The following NUP50 variants were observed in gnomAD, a reference collection of about 807,000 sequenced individuals.
The protein encoded by NUP50 is nuclear pore complex protein Nup50.
NUP50 carries 14 observed loss-of-function variants against 36.8 expected under a neutral mutation model. The ratio of observed to expected loss-of-function variants is 0.38; its 90% CI spans 0.25 to 0.59. NUP50 has a LOEUF of 0.59. Ranked by LOEUF, NUP50 falls within the 20% of genes least tolerant of loss-of-function variation. The pLI is 0.63. For missense variants in NUP50, 455 were observed against 564.6 expected (o/e 0.81, Z 1.97); for synonymous variants, 195 against 210.8 (o/e 0.93, Z 0.65).
At position 45,171,154 on chromosome 22, in the gene NUP50, C is replaced by T. The variant is rs132876; in HGVS notation, c.70-446C>T. On this transcript the variant is annotated intron_variant, in intron 2 of 7. Coordinates refer to ENST00000347635, the MANE Select transcript of NUP50 (RefSeq NM_007172.4). ...CCTTTCGTACAGTGGGCAAGTTGGG[C>T]AGGACTCATCTTAAAAATCATGTGT... 0.16 allele frequency: 192,901 copies of T among 1,193,064 alleles called. 17,958 individuals are homozygous for T. The highest frequency in any genetic ancestry group is 0.56 in the East Asian group (8,792 of 15,634). The allele number at this position is 1,193,064 out of a possible 1,614,324, so 73.9% of individuals were successfully genotyped here.
chr22:45,164,943 G>C (rs1182589295), intron 1 of NUP50: 1 of 152,254 alleles, frequency 6.6e-6, no homozygotes, highest in Non-Finnish European at 1.5e-5. Flanking sequence ...TTAAGAACCA[G>C]CTTGGAGATT....
intron 2 of NUP50, chr22:45,171,158 A>G: frequency 8.4e-7 from 1 of 1,188,988 alleles, no homozygotes; most frequent in Non-Finnish European, 1.1e-6. Context: ...GTTGGGCAGG[A>G]CTCATCTTAA....
chr22:45,183,303 T>G (rs1487905265), intron 6 of NUP50, 99 bp from the exon 7 acceptor site: 9 of 723,654 alleles, frequency 1.2e-5, no homozygotes, highest in Non-Finnish European at 2.0e-5. Flanking sequence ...ACTCATTTAA[T>G]AGAGATTTTC....
chr22:45,178,021 G>T, intron 4 of NUP50: 1 of 523,292 alleles, frequency 1.9e-6, no homozygotes, highest in Non-Finnish European at 3.4e-6. Flanking sequence ...ACCTACTCGG[G>T]AGGTTGAGGC....
rs1235595793 is a variant in NUP50, at chr22:45,185,426, C to T, written c.*771C>T. The T allele has an allele frequency of 1.3e-5, 2 of 151,934 alleles. No homozygotes were observed. Among genetic ancestry groups the T allele is most frequent in the Non-Finnish European group, 2.9e-5 (2 of 67,932 alleles). 9.4% of individuals were successfully genotyped at this position (151,934 alleles called of 1,614,324 possible). A position where few individuals can be genotyped will look rare whatever the true frequency, so the allele number is the denominator to read the frequency against. On this transcript the variant is annotated 3_prime_UTR_variant, in exon 8 of 8. Coordinates refer to ENST00000347635, the MANE Select transcript of NUP50 (RefSeq NM_007172.4). Reference sequence around the variant, plus strand: ...GGGTTTAAAAGCACAAATGTGGTAGCTTATCATCTACACCATGGAGAGTGA... The same window carrying T: ...GGGTTTAAAAGCACAAATGTGGTAGTTTATCATCTACACCATGGAGAGTGA...
At chr22:45,175,164 C>T (rs548268703) in intron 3 of NUP50, among the ~76,000 whole-genome samples, 1 of 152,300 alleles carries the variant, frequency 6.6e-6, no homozygotes, top group South Asian at 2.1e-4. Flanking sequence ...AGGAACCTTT[C>T]TCCAAAAGTT....
At position 45,186,668 on chromosome 22, in the gene NUP50, AG is replaced by A. The variant is rs1204096235; in HGVS notation, c.*2015del. 2 of 152,674 alleles carry A rather than the reference AG, an allele frequency of 1.3e-5. No homozygotes were observed. Among genetic ancestry groups the A allele is most frequent in the African/African-American group, 4.8e-5 (2 of 41,468 alleles). The allele number at this position is 152,674 out of a possible 1,614,324, so 9.5% of individuals were successfully genotyped here. On this transcript the variant is annotated 3_prime_UTR_variant, in exon 8 of 8. Coordinates refer to ENST00000347635, the MANE Select transcript of NUP50 (RefSeq NM_007172.4). ...ATAGTTTATATATTTTTAAATTAGT[AG>A]GTATGTGTGGCTTCCTTTTTTCCTA...
Position 45,186,626 on chromosome 22 carries a change from C to T in NUP50, c.*1971C>T, listed in dbSNP as rs1465314500. 1.3e-5 allele frequency: 2 copies of T among 152,610 alleles called. No individual in the cohort carries two copies. The highest frequency in any genetic ancestry group is 2.4e-5 in the African/African-American group (1 of 41,414). The allele number at this position is 152,610 out of a possible 1,614,324, so 9.5% of individuals were successfully genotyped here. On this transcript the variant is annotated 3_prime_UTR_variant, in exon 8 of 8. Transcript: ENST00000347635. The stretch of plus-strand genomic sequence containing the variant: ...ATCATGATTGGATTTTCTTTTAAAC[C>T]TGCCCTTCTGTAAAAAATAGTTTAT...
At chr22:45,172,627 G>C (rs2074213390) in intron 3 of NUP50, among the ~76,000 whole-genome samples, 1 of 152,072 alleles carries the variant, frequency 6.6e-6, no homozygotes, top group African/African-American at 2.4e-5. Flanking sequence ...GGATAGGAAA[G>C]GTGTATCATT....
At chr22:45,176,743 T>C (rs2074282519) in intron 4 of NUP50, among the ~76,000 whole-genome samples, 2 of 152,134 alleles carry the variant, frequency 1.3e-5, no homozygotes, top group South Asian at 4.1e-4. Context: ...TAAGTTTTGT[T>C]GTTGTTGTTG....
intron 6 of NUP50, among the ~76,000 whole-genome samples, chr22:45,182,126 A>C (rs900753304): frequency 1.3e-5 from 2 of 150,466 alleles, no homozygotes; most frequent in African/African-American, 5.0e-5. Flanking sequence ...CCCAACTTTA[A>C]GATTTTTTTT....
At chr22:45,171,523 A>G in intron 2 of NUP50, 77 bp from the exon 3 acceptor site, 1 of 1,321,088 alleles carries the variant, frequency 7.6e-7, no homozygotes, top group Non-Finnish European at 1.1e-6. Flanking sequence ...GCTCAGTTCT[A>G]GCTTGTTGTT....
chr22:45,171,196 A>T lies in NUP50; in HGVS notation c.70-404A>T, dbSNP rs1017759514. Reference sequence around the variant, plus strand: ...ATCATGTGTATGTTATAAATAACAAAATTTATTTATTTATTTTTTTGAGAC... The same window carrying T: ...ATCATGTGTATGTTATAAATAACAATATTTATTTATTTATTTTTTTGAGAC... On this transcript the variant is annotated intron_variant, in intron 2 of 7. Transcript: ENST00000347635. 9.2e-5 allele frequency: 105 copies of T among 1,139,446 alleles called. 1 individual carries two copies. Among genetic ancestry groups the T allele is most frequent in the Admixed American group, 2.1e-4 (5 of 23,460 alleles). 70.6% of individuals were successfully genotyped at this position (1,139,446 alleles called of 1,614,324 possible). A position where few individuals can be genotyped will look rare whatever the true frequency, so the allele number is the denominator to read the frequency against.
chr22:45,175,925 A>G lies in NUP50; in HGVS notation c.185A>G (p.Lys62Arg). Reference protein sequence around the residue: ...SDTGGAFKGFKGLVVPSGGGR... With the variant: ...SDTGGAFKGFRGLVVPSGGGR... ...ACTGGAGGAGCCTTTAAAGGTTTTA[A>G]AGGTTTGGTGGTACCTTCTGGAGGA... The change falls in exon 4 of 8, where the codon AAA (lysine) becomes AGA (arginine). Residue 62 changes from lysine to arginine, a missense_variant. Lys to Arg is a conservative substitution (Grantham distance 26, BLOSUM62 2). Coordinates refer to ENST00000347635, the MANE Select transcript of NUP50 (RefSeq NM_007172.4). 1.2e-6 allele frequency: 2 copies of G among 1,614,066 alleles called. No homozygotes were observed. Among genetic ancestry groups the G allele is most frequent in the Non-Finnish European group, 1.7e-6 (2 of 1,180,004 alleles).
At chr22:45,184,216 G>C (rs904409582) in intron 7 of NUP50, 12 of 536,456 alleles carry the variant, frequency 2.2e-5, no homozygotes, top group Non-Finnish European at 4.0e-5. Context: ...GAAACGCTGT[G>C]TGGGTGCAGA....
intron 3 of NUP50, among the ~76,000 whole-genome samples, chr22:45,174,524 CT>C (rs933882390): frequency 2.6e-5 from 4 of 151,996 alleles, no homozygotes; most frequent in African/African-American, 7.2e-5. Context: ...TTCTGAATAT[CT>C]TTTTTTTGTT....
chr22:45,183,414 T>C lies in NUP50; in HGVS notation c.1098T>C (p.Phe366=), dbSNP rs991716703. The C allele has an allele frequency of 2.5e-6, 4 of 1,593,316 alleles. No individual in the cohort carries two copies. Among genetic ancestry groups the C allele is most frequent in the South Asian group, 1.1e-5 (1 of 90,502 alleles). The change falls in exon 7 of 8, where the codon TTT becomes TTC. Residue 366 remains phenylalanine, a synonymous_variant. Transcript: ENST00000347635. ...DAFYSKKCKL[F]YKKDNEFKEK... ...TTTTTCTCCATAGGTGTAAACTGTT[T>C]TACAAGAAAGACAATGAGTTTAAAG...
intron 1 of NUP50, among the ~76,000 whole-genome samples, chr22:45,166,912 C>T (rs2074103577): frequency 6.6e-6 from 1 of 151,966 alleles, no homozygotes; most frequent in Non-Finnish European, 1.5e-5. Context: ...ATAGCATAAA[C>T]TTACAAAATT....
chr22:45,183,019 C>G (rs919382909), intron 6 of NUP50, among the ~76,000 whole-genome samples: 18 of 131,860 alleles, frequency 1.4e-4, no homozygotes, highest in African/African-American at 5.2e-4. Context: ...TTGTTCCTGT[C>G]TTTAGAGGAC....
Sources: gnomAD v4.1 joint callset for allele counts (sites outside exome capture counted in the v4.1 genomes callset) on GRCh38, gnomAD v4.1.1 for gene constraint, MANE v1.5 for transcripts, NCBI Gene and HGNC (gene_info 2026-07-23, HGNC 2026-07-21) for gene names.